The following ANGPT2 variants were observed in gnomAD, a reference collection of about 807,000 sequenced individuals.
ANGPT2 encodes angiopoietin 2.
In ANGPT2, 28 loss-of-function variants were observed where a neutral mutation model predicts 62.9. The observed-to-expected ratio is 0.44, with a 90% confidence interval of 0.33 to 0.61. The LOEUF (loss-of-function observed/expected upper bound fraction) is 0.61, where lower values mean the gene tolerates loss of function less well. ANGPT2 is among the 20% of genes least tolerant of loss of function. The probability of loss-of-function intolerance (pLI) is 0.03; values close to 1 mark genes in which losing one functional copy is unlikely to be tolerated. For missense variants in ANGPT2, 727 were observed against 594.9 expected (o/e 1.22, Z -2.31); for synonymous variants, 284 against 207.8 (o/e 1.37, Z -3.15).
At chr8:6,526,958 G>A (rs1207656168) in intron 3 of ANGPT2, among the ~76,000 whole-genome samples, 3 of 151,848 alleles carry the variant, frequency 2.0e-5, no homozygotes, top group African/African-American at 4.8e-5. Context: ...AATATTTTTG[G>A]TTTTACTTTA....
chr8:6,522,590 A>G (rs1212633790), intron 3 of ANGPT2, among the ~76,000 whole-genome samples: 1 of 151,986 alleles, frequency 6.6e-6, no homozygotes, highest in Non-Finnish European at 1.5e-5. Flanking sequence ...GCTGGCCAAC[A>G]TGGTGAAACC....
chr8:6,505,298 TA>T lies in ANGPT2; in HGVS notation c.1328-2038del, dbSNP rs1563305816. Among the ~76,000 whole-genome samples, 146 of 85,566 alleles carry T rather than the reference TA, an allele frequency of 1.7e-3. 17 individuals carry two copies. The highest frequency in any genetic ancestry group is 9.8e-3 in the African/African-American group (132 of 13,446). 56.1% of individuals were successfully genotyped at this position (85,566 alleles called of 152,430 possible). A position where few individuals can be genotyped will look rare whatever the true frequency, so the allele number is the denominator to read the frequency against. ...TATACATATATATGTTATATACATATATATGTATATAACATATATATGTTAT... is the reference window on the plus strand; with the variant it reads ...TATACATATATATGTTATATACATATTATGTATATAACATATATATGTTAT... On this transcript the variant is annotated intron_variant, in intron 8 of 8. Transcript: ENST00000629816.
chr8:6,522,773 C>CA lies in ANGPT2; in HGVS notation c.567-1364dup, dbSNP rs199503821. 9.5e-3 allele frequency among the ~76,000 whole-genome samples: 1,241 copies of CA among 130,270 alleles called. 14 individuals are homozygous for CA. Among genetic ancestry groups the CA allele is most frequent in the African/African-American group, 0.026 (951 of 36,602 alleles). 85.5% of individuals were successfully genotyped at this position (130,270 alleles called of 152,430 possible). On this transcript the variant is annotated intron_variant, in intron 3 of 8. Transcript: ENST00000629816. ...TGGGCAACAGAGCGAGACATCGTCT[C>CA]AAAAAAAAAAAAGAAAAGAAAAGAA...
Position 6,532,368 on chromosome 8 carries a change from C to G in ANGPT2, c.408G>C (p.Ala136=), listed in dbSNP as rs6559167. Residue 136 remains alanine, a synonymous_variant, in exon 2 of 9, where the codon GCG becomes GCC. Transcript: ENST00000629816. ...CATCAGTTAACTTCCGCGTTTGCTC[C>G]GCTGTTTGGTTCAACAGGTTTGTCC... ...EIGTNLLNQT[A]EQTRKLTDVE... is the part of the protein sequence containing the mutation. The G allele has an allele frequency of 0.3, 486,481 of 1,613,646 alleles. 76,320 individuals carry two copies. Among genetic ancestry groups the G allele is most frequent in the South Asian group, 0.46 (42,296 of 91,038 alleles).
chr8:6,518,747 A>G (rs1003237820), intron 5 of ANGPT2, among the ~76,000 whole-genome samples: 1 of 152,196 alleles, frequency 6.6e-6, no homozygotes, highest in Non-Finnish European at 1.5e-5. Flanking sequence ...GTGTTGGTTC[A>G]ATATGTAGCT....
At chr8:6,558,340 C>A (rs964648115) in intron 1 of ANGPT2, among the ~76,000 whole-genome samples, 6 of 152,096 alleles carry the variant, frequency 3.9e-5, no homozygotes, top group African/African-American at 7.2e-5. Flanking sequence ...TTACCTTGCC[C>A]ATATCTTACT....
At chr8:6,530,926 A>AT (rs1042887480) in intron 2 of ANGPT2, among the ~76,000 whole-genome samples, 33 of 152,142 alleles carry the variant, frequency 2.2e-4, no homozygotes, top group Non-Finnish European at 1.8e-4. Flanking sequence ...GACGTCTAGC[A>AT]TTTCTTGATC....
chr8:6,536,257 C>T (rs575083614), intron 1 of ANGPT2, among the ~76,000 whole-genome samples: 64 of 152,146 alleles, frequency 4.2e-4, no homozygotes, highest in Admixed American at 7.2e-4. Context: ...TCTTGGTTGC[C>T]GGCACTGCCT....
At chr8:6,534,748 G>C (rs2515483) in intron 1 of ANGPT2, among the ~76,000 whole-genome samples, 57,081 of 152,096 alleles carry the variant, frequency 0.38, 10,946 homozygotes, top group Non-Finnish European at 0.4. Flanking sequence ...CTTACTAACC[G>C]TTTCTCAGAG....
At chr8:6,531,802 A>T (rs199529742) in intron 2 of ANGPT2, among the ~76,000 whole-genome samples, 911 of 17,360 alleles carry the variant, frequency 0.052, 12 homozygotes, top group East Asian at 0.2. Flanking sequence ...GCTCGGGCGT[A>T]GCACCATCTT....
At position 6,499,988 on chromosome 8, in the gene ANGPT2, A is replaced by T. The variant is rs548121577; in HGVS notation, c.*3113T>A. ...AGTTTGCTGTTCTCAAGAAATTATTATAAACATAAGGGTGGACTTAAGTTT... is the reference window on the plus strand; with the variant it reads ...AGTTTGCTGTTCTCAAGAAATTATTTTAAACATAAGGGTGGACTTAAGTTT... On this transcript the variant is annotated 3_prime_UTR_variant, in exon 9 of 9. Coordinates refer to ENST00000629816, the MANE Select transcript of ANGPT2 (RefSeq NM_001118887.2). 1.1e-4 allele frequency: 157 copies of T among 1,441,206 alleles called. No individual in the cohort carries two copies. The African/African-American group carries it at 2.0e-3, about 18-fold the overall frequency. 89.3% of individuals were successfully genotyped at this position (1,441,206 alleles called of 1,614,324 possible). A position where few individuals can be genotyped will look rare whatever the true frequency, so the allele number is the denominator to read the frequency against.
intron 1 of ANGPT2, among the ~76,000 whole-genome samples, chr8:6,539,787 A>T (rs4376511): frequency 0.57 from 86,988 of 151,970 alleles, 26,569 homozygotes; most frequent in Non-Finnish European, 0.68. Flanking sequence ...GGGCTTCGCC[A>T]TGTTGGTCAG....
rs112097776 is a variant in ANGPT2, at chr8:6,513,911, G to A, written c.1030-67C>T. 2.3e-3 allele frequency: 3,269 copies of A among 1,404,882 alleles called. 63 individuals carry two copies. In the African/African-American group the frequency reaches 0.042, roughly 18 times the overall value. The allele number at this position is 1,404,882 out of a possible 1,614,324, so 87.0% of individuals were successfully genotyped here. A position where few individuals can be genotyped will look rare whatever the true frequency, so the allele number is the denominator to read the frequency against. On this transcript the variant is annotated intron_variant, in intron 6 of 8. Transcript: ENST00000629816. ...TTTCTTTGTATATTTGAAGTGGATA[G>A]TCCGTCAACTTAACATAGAATAACT...
intron 7 of ANGPT2, 132 bp downstream of exon 7, chr8:6,513,546 G>C: frequency 1.7e-6 from 1 of 580,596 alleles, no homozygotes; most frequent in South Asian, 2.7e-5. Context: ...TGTTTGCCAG[G>C]ATGGTCTCAA....
In ANGPT2 at chr8:6,521,259, T is replaced by C. The variant is rs753296246; in HGVS notation, c.718A>G (p.Asn240Asp). 28 of 1,613,856 alleles carry C rather than the reference T, an allele frequency of 1.7e-5. No homozygotes were observed. In the African/African-American group the frequency reaches 3.1e-4, roughly 18 times the overall value. Residue 240 changes from asparagine (N) to aspartate (D), a missense_variant, in exon 4 of 9, where the codon AAT (asparagine) becomes GAT (aspartate). Coordinates refer to ENST00000629816, the MANE Select transcript of ANGPT2 (RefSeq NM_001118887.2). ...TGCTGCTTCTGAAGAACTGAATTAT[T>C]CACCGTGGCAGTCACTATTTTTTTT... The part of the protein sequence containing the change: ...LEKKIVTATV[N>D]NSVLQKQQHD...
At chr8:6,503,401 G>T in intron 8 of ANGPT2, 140 bp from the exon 9 acceptor site, 1 of 785,462 alleles carries the variant, frequency 1.3e-6, no homozygotes, top group Non-Finnish European at 2.1e-6. Flanking sequence ...AGTATAGGAT[G>T]TGCACTGGCA....
At chr8:6,529,728 G>C (rs111971286) in intron 2 of ANGPT2, among the ~76,000 whole-genome samples, 2,971 of 149,954 alleles carry the variant, frequency 0.02, 102 homozygotes, top group African/African-American at 0.069. Flanking sequence ...GCCTCTCAAA[G>C]TGCTAGGATT....
chr8:6,531,638 C>G (rs746964247), intron 2 of ANGPT2, among the ~76,000 whole-genome samples: 1 of 152,142 alleles, frequency 6.6e-6, no homozygotes, highest in African/African-American at 2.4e-5. Context: ...TAATCACTAG[C>G]TCATAGAATC....
In ANGPT2 at chr8:6,500,205, C is replaced by G. The variant is rs961703867; in HGVS notation, c.*2896G>C. ...TGAGAAAAACAAAAATGAAAAAAGA[C>G]TGAATTCTTGGGCAGGTAGTCTTAT... On this transcript the variant is annotated 3_prime_UTR_variant, in exon 9 of 9. Coordinates refer to ENST00000629816, the MANE Select transcript of ANGPT2 (RefSeq NM_001118887.2). 9.3e-6 allele frequency: 4 copies of G among 431,066 alleles called. No homozygotes were observed. The highest frequency in any genetic ancestry group is 8.0e-5 in the African/African-American group (4 of 49,778). The allele number at this position is 431,066 out of a possible 1,614,324, so 26.7% of individuals were successfully genotyped here.
Sources: allele counts gnomAD v4.1 joint callset (sites outside exome capture counted in the v4.1 genomes callset), GRCh38; gene constraint gnomAD v4.1.1; transcripts MANE v1.5; gene names NCBI Gene and HGNC (gene_info 2026-07-23, HGNC 2026-07-21).